Variants in MARCHF1 observed in about 807,000 individuals in gnomAD.
MARCHF1 encodes membrane associated ring-CH-type finger 1.
In MARCHF1, 40 loss-of-function variants were observed where a neutral mutation model predicts 54.2. The observed-to-expected ratio is 0.74, with a 90% confidence interval of 0.57 to 0.96. The LOEUF (loss-of-function observed/expected upper bound fraction) is 0.96. Among genes scored for constraint, MARCHF1 ranks in the 40% least tolerant of loss-of-function variants. The pLI is 0.00. For synonymous variants in MARCHF1, 236 were observed against 236.3 expected, an observed-to-expected ratio of 1.00 and a Z score of 0.01; for missense variants, 586 against 656.5, an observed-to-expected ratio of 0.89 and a Z score of 1.17.
intron 1 of MARCHF1, among the ~76,000 whole-genome samples, chr4:164,182,373 C>T (rs1263386324): frequency 6.6e-6 from 1 of 151,630 alleles, no homozygotes; most frequent in African/African-American, 2.4e-5. Flanking sequence ...TTGTTAAGGT[C>T]AAAAAGCAAG....
intron 4 of MARCHF1, among the ~76,000 whole-genome samples, chr4:163,783,585 A>AT (rs943120370): frequency 6.6e-6 from 1 of 152,150 alleles, no homozygotes; most frequent in African/African-American, 2.4e-5. Context: ...GGAAATGTTG[A>AT]TTTTTCCTTT....
intron 7 of MARCHF1, among the ~76,000 whole-genome samples, chr4:163,587,844 T>A (rs1275203343): frequency 6.6e-6 from 1 of 151,864 alleles, no homozygotes. Context: ...ATTGCTTTTT[T>A]TGAGCTGAGT....
At chr4:163,573,587 T>C (rs1277315884) in intron 8 of MARCHF1, among the ~76,000 whole-genome samples, 1 of 151,472 alleles carries the variant, frequency 6.6e-6, no homozygotes, top group African/African-American at 2.4e-5. Flanking sequence ...CTTGTGATAG[T>C]TTACTGAGAA....
At chr4:164,051,902 C>T (rs962900710) in intron 2 of MARCHF1, among the ~76,000 whole-genome samples, 18 of 152,138 alleles carry the variant, frequency 1.2e-4, no homozygotes, top group African/African-American at 3.4e-4. Flanking sequence ...TTTCTACTTG[C>T]TCCCACATAG....
At chr4:163,755,336 CCTT>C (rs1360625465) in intron 4 of MARCHF1, among the ~76,000 whole-genome samples, 3 of 152,104 alleles carry the variant, frequency 2.0e-5, no homozygotes, top group African/African-American at 4.8e-5. Flanking sequence ...AACTTTTTGT[CCTT>C]CTTTTTAAAG....
intron 4 of MARCHF1, among the ~76,000 whole-genome samples, chr4:163,731,390 G>A (rs186798185): frequency 2.8e-4 from 43 of 152,276 alleles, no homozygotes; most frequent in African/African-American, 1.0e-3. Context: ...TGGCTCTCAA[G>A]ACAGTGTTCT....
At chr4:164,381,121 G>A (rs1731356935) in intron 1 of MARCHF1, among the ~76,000 whole-genome samples, 1 of 152,132 alleles carries the variant, frequency 6.6e-6, no homozygotes, top group South Asian at 2.1e-4. Context: ...CGGTGACCTT[G>A]GAACATCACT....
intron 7 of MARCHF1, among the ~76,000 whole-genome samples, chr4:163,597,132 T>C (rs993451564): frequency 3.3e-5 from 5 of 151,984 alleles, no homozygotes; most frequent in African/African-American, 9.7e-5. Flanking sequence ...ATTTTTGCAT[T>C]TTTTTTGGAG....
rs1730689819 is a variant in MARCHF1, at chr4:164,176,966, CTCTCTCTCTCTCTCTAT to C, written c.-322-65321_-322-65305del. ...GCTCTCTCTCTCTCTCTCTCTCTCTCTCTCTCTCTCTCTCTATATATATATATATATATATATATATA... is the reference window on the plus strand; with the variant it reads ...GCTCTCTCTCTCTCTCTCTCTCTCTCATATATATATATATATATATATATA... On this transcript the variant is annotated intron_variant, in intron 1 of 9. Transcript: ENST00000514618. Among the ~76,000 whole-genome samples the C allele has an allele frequency of 6.8e-4, 32 of 46,726 alleles. 4 individuals carry two copies. The highest frequency in any genetic ancestry group is 1.9e-3 in the South Asian group (2 of 1,056). The allele number at this position is 46,726 out of a possible 152,430, so 30.7% of individuals were successfully genotyped here.
At chr4:164,137,166 C>G (rs1297850043) in intron 1 of MARCHF1, among the ~76,000 whole-genome samples, 1 of 152,144 alleles carries the variant, frequency 6.6e-6, no homozygotes, top group Non-Finnish European at 1.5e-5. Context: ...ATTCACAGCT[C>G]TTATTATTTG....
intron 5 of MARCHF1, among the ~76,000 whole-genome samples, chr4:163,667,540 G>A (rs775651968): frequency 8.4e-4 from 127 of 152,012 alleles, no homozygotes; most frequent in Non-Finnish European, 7.6e-4. Context: ...AGAAGTCTCT[G>A]GAATAATGGA....
At chr4:164,340,708 C>A (rs887221371) in intron 1 of MARCHF1, among the ~76,000 whole-genome samples, 10 of 151,732 alleles carry the variant, frequency 6.6e-5, no homozygotes, top group Admixed American at 3.3e-4. Flanking sequence ...CAGGCATAAG[C>A]CAGCATGCCT....
intron 1 of MARCHF1, among the ~76,000 whole-genome samples, chr4:164,192,588 G>A (rs1430145056): frequency 6.6e-6 from 1 of 152,044 alleles, no homozygotes; most frequent in African/African-American, 2.4e-5. Context: ...CAAGTGGCAA[G>A]TTACAAGTTA....
chr4:163,958,642 A>G (rs1451798477), intron 3 of MARCHF1, among the ~76,000 whole-genome samples: 1 of 151,930 alleles, frequency 6.6e-6, no homozygotes, highest in Non-Finnish European at 1.5e-5. Context: ...AACAATTTGA[A>G]GAATATTGTA....
At chr4:164,018,448 T>C (rs1753592786) in intron 2 of MARCHF1, among the ~76,000 whole-genome samples, 2 of 151,942 alleles carry the variant, frequency 1.3e-5, no homozygotes, top group Non-Finnish European at 2.9e-5. Context: ...GACATAGTTA[T>C]ATATTACAAA....
At chr4:163,755,045 C>T (rs1746627047) in intron 4 of MARCHF1, among the ~76,000 whole-genome samples, 1 of 152,158 alleles carries the variant, frequency 6.6e-6, no homozygotes, top group Non-Finnish European at 1.5e-5. Context: ...TGTCTGAAGA[C>T]ATTTTTAGTT....
intron 4 of MARCHF1, among the ~76,000 whole-genome samples, chr4:163,844,937 C>A (rs1282487336): frequency 6.6e-6 from 1 of 152,150 alleles, no homozygotes; most frequent in Non-Finnish European, 1.5e-5. Context: ...AACTGTCTAT[C>A]AACTATTTAC....
intron 4 of MARCHF1, among the ~76,000 whole-genome samples, chr4:163,786,725 T>C (rs1747631381): frequency 1.3e-5 from 2 of 151,840 alleles, no homozygotes; most frequent in Non-Finnish European, 2.9e-5. Context: ...CTTTCAGAAA[T>C]AGAAAAATCA....
chr4:163,781,681 T>C (rs1420237069), intron 4 of MARCHF1, among the ~76,000 whole-genome samples: 1 of 152,206 alleles, frequency 6.6e-6, no homozygotes, highest in Non-Finnish European at 1.5e-5. Flanking sequence ...TTGGGTGCAG[T>C]GAATTCCTGC....
Sources: gnomAD v4.1 joint callset for allele counts (sites outside exome capture counted in the v4.1 genomes callset) on GRCh38, gnomAD v4.1.1 for gene constraint, MANE v1.5 for transcripts, NCBI Gene and HGNC (gene_info 2026-07-23, HGNC 2026-07-21) for gene names.